The following RPS24 variants were observed in gnomAD, a reference collection of about 807,000 sequenced individuals.
RPS24 encodes the protein small ribosomal subunit protein eS24.
For synonymous variants in RPS24, 72 were observed against 55.6 expected, an observed-to-expected ratio of 1.30 and a Z score of -1.31; for missense variants, 100 against 162.5, an observed-to-expected ratio of 0.62 and a Z score of 2.09.
chr10:78,047,264 C>G (rs1848054855), intron 4 of RPS24, among the ~76,000 whole-genome samples: 1 of 151,990 alleles, frequency 6.6e-6, no homozygotes, highest in Admixed American at 6.6e-5. Context: ...CCGCGTCCAG[C>G]CAGAACCTGT....
At chr10:78,040,078 G>T in intron 4 of RPS24, 126 bp from the exon 5 acceptor site, 1 of 845,194 alleles carries the variant, frequency 1.2e-6, no homozygotes, top group Non-Finnish European at 2.0e-6. Context: ...AGAACAAAAT[G>T]GTCATCTTTA....
rs192994060 is a variant in RPS24, at chr10:78,035,676, C to G, written c.235C>G (p.Leu79Val). 1 of 1,604,340 alleles carries G rather than the reference C, an allele frequency of 6.2e-7. No individual in the cohort carries two copies. The highest frequency in any genetic ancestry group is 1.1e-5 in the South Asian group (1 of 91,080). The change falls in exon 3 of 6, where the codon CTG becomes GTG. Residue 79 changes from leucine to valine, a missense_variant. Transcript: ENST00000372360. The part of the protein sequence containing the change: ...TTGFGMIYDS[L>V]DYAKKNEPKH... ...TGGCTTTGGCATGATTTATGATTCC[C>G]TGGATTATGCAAAGAAAAATGAACC... is the stretch of plus-strand genomic sequence containing the variant.
chr10:78,055,526 G>A (rs1382936303), exon 5 of RPS24: 1 of 152,988 alleles, frequency 6.5e-6, no homozygotes, highest in Non-Finnish European at 1.5e-5. Context: ...TCGTGAGGCA[G>A]AGGCTGCGGT....
At chr10:78,046,347 T>G (rs1455416980) in intron 4 of RPS24, among the ~76,000 whole-genome samples, 2 of 97,860 alleles carry the variant, frequency 2.0e-5, no homozygotes, top group Admixed American at 2.1e-4. Flanking sequence ...CTCATTTACC[T>G]TTTTTTTTTT....
rs891740637 is a variant in RPS24 at position 78,036,309 on chromosome 10, C to CT, written c.279+599dup. ...GGTGATGTCATAGGTAGAGGCTGCA[C>CT]TTTTTTTTTTAGAGAGAGAGTTTAG... On this transcript the variant is annotated intron_variant, in intron 3 of 5. Coordinates refer to ENST00000372360, the MANE Select transcript of RPS24 (RefSeq NM_033022.4). 1,114 of 154,844 alleles carry CT rather than the reference C, an allele frequency of 7.2e-3. 1 individual carries two copies. Among genetic ancestry groups the CT allele is most frequent in the South Asian group, 0.014 (75 of 5,434 alleles). The allele number at this position is 154,844 out of a possible 1,614,324, so 9.6% of individuals were successfully genotyped here. A position where few individuals can be genotyped will look rare whatever the true frequency, so the allele number is the denominator to read the frequency against.
chr10:78,036,728 T>C (rs927161970), intron 3 of RPS24, among the ~76,000 whole-genome samples: 3 of 152,164 alleles, frequency 2.0e-5, no homozygotes, highest in African/African-American at 7.2e-5. Context: ...AACAGTCTTG[T>C]AGGCCCCAGG....
exon 5 of RPS24, chr10:78,054,957 C>G: frequency 6.7e-7 from 1 of 1,489,262 alleles, no homozygotes; most frequent in Non-Finnish European, 9.0e-7. Context: ...TGAAATCCAC[C>G]AGGAATCCAG....
downstream of RPS24, among the ~76,000 whole-genome samples, chr10:78,043,794 A>G (rs770092386): frequency 9.2e-5 from 14 of 152,124 alleles, no homozygotes; most frequent in Non-Finnish European, 1.9e-4. Flanking sequence ...TCCAGGAGAC[A>G]TACAGCAGTC....
At chr10:78,035,111 C>T (rs1847834532) in intron 1 of RPS24, among the ~76,000 whole-genome samples, 1 of 152,226 alleles carries the variant, frequency 6.6e-6, no homozygotes, top group Non-Finnish European at 1.5e-5. Flanking sequence ...CAGAGATACA[C>T]ATAACCTAGT....
In RPS24 at chr10:78,037,292, T is replaced by C; in HGVS notation, c.378T>C (p.Gly126=). Residue 126 remains glycine (G), a synonymous_variant, in exon 4 of 6, where the codon GGT becomes GGC. Transcript: ENST00000372360. ...GGGGGACTGCAAAGGCCAATGTTGG[T>C]GCTGGCAAAAAGGTATAGTTCATTA... ...KVRGTAKANV[G]AGKK is the part of the protein sequence containing the mutation. 1 of 1,601,972 alleles carries C rather than the reference T, an allele frequency of 6.2e-7. No homozygotes were observed. Among genetic ancestry groups the C allele is most frequent in the Non-Finnish European group, 8.5e-7 (1 of 1,173,964 alleles).
intron 5 of RPS24, 81 bp downstream of exon 5, chr10:78,040,306 T>A (rs547309755): frequency 9.0e-7 from 1 of 1,116,286 alleles, no homozygotes; most frequent in South Asian, 1.2e-5. Flanking sequence ...AAGCAGATCA[T>A]GTGTAGTACA....
downstream of RPS24, among the ~76,000 whole-genome samples, chr10:78,042,665 C>T (rs1309705816): frequency 2.0e-5 from 3 of 152,186 alleles, no homozygotes; most frequent in Admixed American, 6.5e-5. Flanking sequence ...CTTCCTTCAG[C>T]TTGTCACTGA....
downstream of RPS24, among the ~76,000 whole-genome samples, chr10:78,041,059 A>G (rs1322282735): frequency 6.6e-6 from 1 of 151,566 alleles, no homozygotes; most frequent in African/African-American, 2.4e-5. Flanking sequence ...GCTGGTCTTG[A>G]TTGAACTCGG....
rs536067246 is a variant in RPS24, at chr10:78,055,020, C to T, written c.*10C>T. 9 of 1,458,150 alleles carry T rather than the reference C, an allele frequency of 6.2e-6. No individual in the cohort carries two copies. In the South Asian group the frequency reaches 8.8e-5, roughly 14 times the overall value. The allele number at this position is 1,458,150 out of a possible 1,614,324, so 90.3% of individuals were successfully genotyped here. The stretch of plus-strand genomic sequence containing the variant: ...TGGTCTGGGCCACTAATGTCACTGC[C>T]ATGGCCGCCTTGCTGCATTTCTGAG... On this transcript the variant is annotated 3_prime_UTR_variant, in exon 5 of 5. Transcript: ENST00000440692.
intron 3 of RPS24, chr10:78,035,949 A>C (rs565874128): frequency 1.8e-6 from 1 of 542,118 alleles, no homozygotes; most frequent in Non-Finnish European, 3.3e-6. Flanking sequence ...GTTCTTGGAG[A>C]TGGGCTAGGG....
intron 4 of RPS24, among the ~76,000 whole-genome samples, chr10:78,049,494 G>A (rs879440970): frequency 1.5e-4 from 23 of 152,318 alleles, no homozygotes; most frequent in Non-Finnish European, 2.8e-4. Context: ...GAACCCCCTG[G>A]ATGCCCAGGA....
intron 1 of RPS24, 74 bp downstream of exon 1, chr10:78,033,978 G>A: frequency 6.3e-7 from 1 of 1,577,916 alleles, no homozygotes; most frequent in South Asian, 1.1e-5. Flanking sequence ...CCCAGTACTT[G>A]AGCTATAGGC....
chr10:78,046,148 G>A (rs111287991), intron 4 of RPS24, among the ~76,000 whole-genome samples: 63 of 152,028 alleles, frequency 4.1e-4, no homozygotes, highest in African/African-American at 1.4e-3. Flanking sequence ...TCAGGCTTGG[G>A]AAGCTGGACT....
At chr10:78,033,928 G>C in intron 1 of RPS24, 24 bp downstream of exon 1, 3 of 1,614,004 alleles carry the variant, frequency 1.9e-6, no homozygotes, top group Non-Finnish European at 2.5e-6. Flanking sequence ...GGCCCGTGCA[G>C]TCATCTGCCG....
Sources: gnomAD v4.1 joint callset for allele counts (sites outside exome capture counted in the v4.1 genomes callset) on GRCh38, gnomAD v4.1.1 for gene constraint, MANE v1.5 for transcripts, NCBI Gene and HGNC (gene_info 2026-07-23, HGNC 2026-07-21) for gene names.